The following VSNL1 variants were observed in gnomAD, a reference collection of about 807,000 sequenced individuals.
The protein encoded by VSNL1 is visinin-like protein 1.
A neutral mutation model predicts 20.4 loss-of-function variants in VSNL1; 6 were observed. That is an observed-to-expected ratio of 0.29 (90% CI 0.16 to 0.58). The LOEUF (loss-of-function observed/expected upper bound fraction) is 0.58. Among genes scored for constraint, VSNL1 ranks in the 20% least tolerant of loss-of-function variants. VSNL1 has a pLI of 0.90. For missense variants in VSNL1, 100 were observed against 234.5 expected, an observed-to-expected ratio of 0.43 and a Z score of 3.75; for synonymous variants, 93 against 86.4, an observed-to-expected ratio of 1.08 and a Z score of -0.42.
rs371073689 is a variant in VSNL1, at chr2:17,649,273, G to A, written c.163-137G>A. 466 of 800,714 alleles carry A rather than the reference G, an allele frequency of 5.8e-4. No individual in the cohort carries two copies. The highest frequency in any genetic ancestry group is 3.3e-3 in the South Asian group (202 of 61,046). 49.6% of individuals were successfully genotyped at this position (800,714 alleles called of 1,614,324 possible). On this transcript the variant is annotated intron_variant, in intron 2 of 3. Coordinates refer to ENST00000295156, the MANE Select transcript of VSNL1 (RefSeq NM_003385.5). This position sits in a 1 kb window ranked among gnomAD's most constrained non-coding sequence, Gnocchi z 6.4. ...CTAATGCCTGCCCTTGCCCTTGACA[G>A]TCAGGCCAAACTGCTCTCCAATGGG...
At chr2:17,633,154 G>C (rs908874420) in intron 2 of VSNL1, among the ~76,000 whole-genome samples, 1 of 152,112 alleles carries the variant, frequency 6.6e-6, no homozygotes, top group Non-Finnish European at 1.5e-5. Context: ...AGGTGAGAGA[G>C]CTTGTACAGG....
At chr2:17,585,747 C>A (rs894788053) in intron 1 of VSNL1, among the ~76,000 whole-genome samples, 4 of 152,070 alleles carry the variant, frequency 2.6e-5, no homozygotes, top group African/African-American at 9.7e-5. Flanking sequence ...AGCAGAGGAG[C>A]CTACAGGCAA....
intron 1 of VSNL1, among the ~76,000 whole-genome samples, chr2:17,584,198 A>T (rs16983670): frequency 0.033 from 5,022 of 152,182 alleles, 89 homozygotes; most frequent in East Asian, 0.098. Context: ...CTAAGTCCAG[A>T]TGAAAATAAA....
intron 1 of VSNL1, among the ~76,000 whole-genome samples, chr2:17,577,599 C>T (rs975832975): frequency 6.6e-6 from 1 of 152,096 alleles, no homozygotes; most frequent in African/African-American, 2.4e-5. Flanking sequence ...CTTTGTTTCT[C>T]CAGGCTAAAC....
intron 2 of VSNL1, among the ~76,000 whole-genome samples, chr2:17,613,408 C>T (rs773672008): frequency 1.1e-4 from 16 of 152,184 alleles, no homozygotes; most frequent in Non-Finnish European, 1.5e-4. Context: ...CCCCTGAGAC[C>T]GTCATGGCCA....
chr2:17,569,128 G>A (rs895546829), intron 1 of VSNL1, among the ~76,000 whole-genome samples: 13 of 152,048 alleles, frequency 8.5e-5, no homozygotes, highest in African/African-American at 2.7e-4. Flanking sequence ...CCAACATGGC[G>A]AAACCCTGTC....
chr2:17,589,861 C>T (rs76187067), intron 1 of VSNL1, among the ~76,000 whole-genome samples: 3,612 of 152,260 alleles, frequency 0.024, 68 homozygotes, highest in Non-Finnish European at 0.036. Flanking sequence ...TAAGTCTTTT[C>T]CAAACAAGGC....
chr2:17,543,437 C>T (rs981661691), intron 1 of VSNL1, among the ~76,000 whole-genome samples: 41 of 152,246 alleles, frequency 2.7e-4, no homozygotes, highest in African/African-American at 9.6e-4. Context: ...ACCACTGCAG[C>T]TGCAGAGATT....
intron 1 of VSNL1, among the ~76,000 whole-genome samples, chr2:17,585,054 G>C (rs1035268056): frequency 1.3e-5 from 2 of 151,986 alleles, no homozygotes; most frequent in African/African-American, 4.8e-5. Flanking sequence ...ACTTATTATA[G>C]ATTAAAAAAA....
intron 1 of VSNL1, among the ~76,000 whole-genome samples, chr2:17,569,577 T>C (rs1158487185): frequency 6.6e-6 from 1 of 152,140 alleles, no homozygotes; most frequent in African/African-American, 2.4e-5. Context: ...TATCTCTTAA[T>C]GTCTCTTCCA....
At chr2:17,573,225 G>A (rs570673288) in intron 1 of VSNL1, among the ~76,000 whole-genome samples, 27 of 152,292 alleles carry the variant, frequency 1.8e-4, no homozygotes, top group South Asian at 4.1e-4. Flanking sequence ...AAGTCTGGGA[G>A]CATGAAGTGG....
At position 17,634,105 on chromosome 2, in the gene VSNL1, G is replaced by A. The variant is rs1665698224; in HGVS notation, c.163-15305G>A. Among the ~76,000 whole-genome samples the A allele has an allele frequency of 6.6e-6, 1 of 152,124 alleles. No individual in the cohort carries two copies. The highest frequency in any genetic ancestry group is 1.5e-5 in the Non-Finnish European group (1 of 68,014). ...GACTAAGCAGAGTGGCTTTCATCCT[G>A]GAGTGTGGGGGAGAAGGTGGAGGAG... On this transcript the variant is annotated intron_variant, in intron 2 of 3. Coordinates refer to ENST00000295156, the MANE Select transcript of VSNL1 (RefSeq NM_003385.5). The surrounding 1 kb of genome is among the most constrained non-coding windows in gnomAD (Gnocchi z 4.3).
intron 1 of VSNL1, among the ~76,000 whole-genome samples, chr2:17,574,333 T>C (rs554934039): frequency 1.3e-5 from 2 of 152,180 alleles, no homozygotes; most frequent in Non-Finnish European, 2.9e-5. Context: ...TATCATCACA[T>C]GAAACACTCC....
intron 1 of VSNL1, among the ~76,000 whole-genome samples, chr2:17,589,672 T>C (rs1213647331): frequency 6.6e-6 from 1 of 152,294 alleles, no homozygotes; most frequent in East Asian, 1.9e-4. Context: ...TTCCTGTGTG[T>C]GTAAGAGACC....
intron 1 of VSNL1, among the ~76,000 whole-genome samples, chr2:17,569,901 G>T (rs575673120): frequency 1.3e-5 from 2 of 152,312 alleles, no homozygotes; most frequent in South Asian, 4.1e-4. Context: ...TTGGCTTAGG[G>T]TTCTTACTTT....
chr2:17,637,331 G>A (rs1269477953), intron 2 of VSNL1, among the ~76,000 whole-genome samples: 2 of 152,234 alleles, frequency 1.3e-5, no homozygotes, highest in Admixed American at 1.3e-4. Flanking sequence ...TACACCAGGA[G>A]GGGTGGAGGA....
At chr2:17,644,189 C>G (rs1307999276) in intron 2 of VSNL1, among the ~76,000 whole-genome samples, 1 of 152,160 alleles carries the variant, frequency 6.6e-6, no homozygotes, top group Non-Finnish European at 1.5e-5. Flanking sequence ...GAGCTGAAAG[C>G]CAAAACCAAA....
At chr2:17,590,536 T>C (rs1423302914) in intron 1 of VSNL1, among the ~76,000 whole-genome samples, 1 of 152,028 alleles carries the variant, frequency 6.6e-6, no homozygotes, top group African/African-American at 2.4e-5. Context: ...GCTGACGAGT[T>C]TGGAGGGTAA....
rs148635303 is a variant in VSNL1, at chr2:17,618,496, C to A, written c.162+26260C>A. Among the ~76,000 whole-genome samples the A allele has an allele frequency of 2.4e-3, 373 of 152,300 alleles. 1 individual carries two copies. The highest frequency in any genetic ancestry group is 3.7e-3 in the Non-Finnish European group (255 of 68,022). Reference sequence around the variant, plus strand: ...ATCTGGATAATCCAGAAATAATTTCCACATTTGCAGGTCATTAACTTAATC... The same window carrying A: ...ATCTGGATAATCCAGAAATAATTTCAACATTTGCAGGTCATTAACTTAATC... On this transcript the variant is annotated intron_variant, in intron 2 of 3. Transcript: ENST00000295156.
Sources: gnomAD v4.1 joint callset for allele counts (sites outside exome capture counted in the v4.1 genomes callset) on GRCh38, gnomAD v4.1.1 for gene constraint, Gnocchi (gnomAD v3.1) non-coding constraint, MANE v1.5 for transcripts, NCBI Gene and HGNC (gene_info 2026-07-23, HGNC 2026-07-21) for gene names.